AJAP1: variants seen among roughly 807,000 people sequenced by gnomAD.
AJAP1 encodes the protein adherens junctions associated protein 1, also known as adherens junction-associated protein 1.
AJAP1 carries 5 observed loss-of-function variants against 35.0 expected under a neutral mutation model. The ratio of observed to expected loss-of-function variants is 0.14; its 90% CI spans 0.07 to 0.30. The LOEUF (loss-of-function observed/expected upper bound fraction) is 0.30. AJAP1 is among the 10% of genes least tolerant of loss of function. The probability of loss-of-function intolerance (pLI) is 1.00; values close to 1 mark genes in which losing one functional copy is unlikely to be tolerated. For missense variants in AJAP1, 586 were observed against 571.0 expected (o/e 1.03, Z -0.27); for synonymous variants, 284 against 249.3 (o/e 1.14, Z -1.31).
intron 1 of AJAP1, among the ~76,000 whole-genome samples, chr1:4,670,798 A>G (rs746543123): frequency 6.6e-6 from 1 of 152,258 alleles, no homozygotes; most frequent in Non-Finnish European, 1.5e-5. Flanking sequence ...ACAGTTTTCC[A>G]GAGTGTTCCA....
At chr1:4,690,207 C>T (rs12402150) in intron 1 of AJAP1, among the ~76,000 whole-genome samples, 1 of 152,140 alleles carries the variant, frequency 6.6e-6, no homozygotes, top group Non-Finnish European at 1.5e-5. Flanking sequence ...CCATCCAGAC[C>T]CTCCAGGAGG....
At chr1:4,668,140 C>T (rs752329058) in intron 1 of AJAP1, among the ~76,000 whole-genome samples, 16 of 151,678 alleles carry the variant, frequency 1.1e-4, no homozygotes, top group South Asian at 2.1e-4. Flanking sequence ...CTTGAACCTG[C>T]GAGGCAGAGG....
intron 2 of AJAP1, among the ~76,000 whole-genome samples, chr1:4,767,351 T>C (rs915851490): frequency 6.6e-6 from 1 of 151,828 alleles, no homozygotes; most frequent in Non-Finnish European, 1.5e-5. Flanking sequence ...ACCATCATTA[T>C]CACCATCACC....
At chr1:4,736,280 C>A (rs1640921334) in intron 2 of AJAP1, among the ~76,000 whole-genome samples, 1 of 152,226 alleles carries the variant, frequency 6.6e-6, no homozygotes, top group East Asian at 1.9e-4. Context: ...CCACTGCCTA[C>A]CCCAAGAAAG....
chr1:4,732,110 C>T (rs940620927), intron 2 of AJAP1, among the ~76,000 whole-genome samples: 3 of 152,248 alleles, frequency 2.0e-5, no homozygotes, highest in African/African-American at 7.2e-5. Flanking sequence ...CACACATTTC[C>T]TTAGGTCTCT....
In AJAP1 at chr1:4,656,786, C is replaced by T. The variant is rs1290659891; in HGVS notation, c.29+1332C>T. On this transcript the variant is annotated intron_variant, in intron 1 of 5. Transcript: ENST00000378191. This position sits in a 1 kb window ranked among gnomAD's most constrained non-coding sequence, Gnocchi z 5.7. Reference sequence around the variant, plus strand: ...GGGCTTCAAAGGTTAATCATGGAGCCGATTGTGTTGGGTGTGGGATATTGG... The same window carrying T: ...GGGCTTCAAAGGTTAATCATGGAGCTGATTGTGTTGGGTGTGGGATATTGG... Among the ~76,000 whole-genome samples the T allele has an allele frequency of 6.6e-6, 1 of 152,034 alleles. No individual in the cohort carries two copies. The highest frequency in any genetic ancestry group is 1.5e-5 in the Non-Finnish European group (1 of 68,034).
chr1:4,769,669 GC>G (rs1355949582), intron 2 of AJAP1, among the ~76,000 whole-genome samples, 183 bp from the exon 3 acceptor site: 8 of 152,278 alleles, frequency 5.3e-5, no homozygotes, highest in African/African-American at 1.9e-4. Flanking sequence ...GCAGCCTCAT[GC>G]CCGGGGCCTG....
intron 1 of AJAP1, among the ~76,000 whole-genome samples, chr1:4,697,981 TGGC>T (rs1473873255): frequency 6.6e-6 from 1 of 152,168 alleles, no homozygotes; most frequent in Non-Finnish European, 1.5e-5. Flanking sequence ...CGTGGGGTGG[TGGC>T]GGGCAGCCGG....
At chr1:4,696,189 G>T in intron 1 of AJAP1, among the ~76,000 whole-genome samples, 1 of 152,184 alleles carries the variant, frequency 6.6e-6, no homozygotes, top group East Asian at 1.9e-4. Context: ...CCCAGGCAGT[G>T]CTGGCTCCTG....
intron 1 of AJAP1, among the ~76,000 whole-genome samples, chr1:4,710,689 T>C (rs920093592): frequency 2.0e-5 from 3 of 152,252 alleles, no homozygotes; most frequent in Non-Finnish European, 4.4e-5. Context: ...AGTTTTGGGA[T>C]TCATTTTAAC....
intron 2 of AJAP1, among the ~76,000 whole-genome samples, chr1:4,736,512 C>T (rs141899425): frequency 0.017 from 2,627 of 152,344 alleles, 67 homozygotes; most frequent in South Asian, 0.12. Flanking sequence ...TCTCTTCCTT[C>T]CTCAAATGTT....
chr1:4,754,029 A>G (rs1203098809), intron 2 of AJAP1, among the ~76,000 whole-genome samples: 1 of 152,204 alleles, frequency 6.6e-6, no homozygotes, highest in Non-Finnish European at 1.5e-5. Context: ...GACATTGTGC[A>G]TGAAAAGCTA....
intron 2 of AJAP1, among the ~76,000 whole-genome samples, chr1:4,762,481 A>G (rs1430559103): frequency 1.3e-5 from 2 of 152,232 alleles, no homozygotes; most frequent in Non-Finnish European, 2.9e-5. Context: ...AGCCCAGCAC[A>G]AACTCTGGGC....
chr1:4,789,883 G>A lies in AJAP1; in HGVS notation c.*7398G>A, dbSNP rs1642224060. On this transcript the variant is annotated 3_prime_UTR_variant, in exon 6 of 6. Coordinates refer to ENST00000378191, the MANE Select transcript of AJAP1 (RefSeq NM_018836.4). The surrounding 1 kb of genome is among the most constrained non-coding windows in gnomAD (Gnocchi z 4.4). ...TACAGCATAGGGGACACTTTGAGGA[G>A]CCCTAGTATCATTGTTTGAAATCAT... The A allele has an allele frequency of 6.6e-6, 1 of 152,198 alleles. No individual in the cohort carries two copies. Among genetic ancestry groups the A allele is most frequent in the African/African-American group, 2.4e-5 (1 of 41,442 alleles). The allele number at this position is 152,198 out of a possible 1,614,324, so 9.4% of individuals were successfully genotyped here.
At chr1:4,731,650 C>T (rs1640798045) in intron 2 of AJAP1, among the ~76,000 whole-genome samples, 1 of 152,146 alleles carries the variant, frequency 6.6e-6, no homozygotes, top group South Asian at 2.1e-4. Flanking sequence ...TAGCTGGTAA[C>T]ATACAGGGTC....
intron 1 of AJAP1, among the ~76,000 whole-genome samples, chr1:4,667,331 G>A (rs988038382): frequency 1.3e-5 from 2 of 152,138 alleles, no homozygotes; most frequent in Non-Finnish European, 2.9e-5. Flanking sequence ...GTCTCTTGCT[G>A]CTTCTCCACC....
chr1:4,773,718 T>C (rs933934718), intron 4 of AJAP1, among the ~76,000 whole-genome samples: 3 of 152,206 alleles, frequency 2.0e-5, no homozygotes, highest in Non-Finnish European at 4.4e-5. Context: ...TTTCACTGAA[T>C]ATGTGGATGT....
chr1:4,754,309 C>T (rs951557973), intron 2 of AJAP1, among the ~76,000 whole-genome samples: 2 of 152,224 alleles, frequency 1.3e-5, no homozygotes, highest in African/African-American at 4.8e-5. Context: ...TGTGTTGTTA[C>T]TACCAAAGCT....
chr1:4,746,584 A>T (rs1641193505), intron 2 of AJAP1, among the ~76,000 whole-genome samples: 2 of 152,210 alleles, frequency 1.3e-5, no homozygotes, highest in Admixed American at 1.3e-4. Flanking sequence ...ACAACTGTCC[A>T]ACAATTGACC....
Sources: allele counts gnomAD v4.1 joint callset (sites outside exome capture counted in the v4.1 genomes callset), GRCh38; gene constraint gnomAD v4.1.1; non-coding constraint Gnocchi (gnomAD v3.1); transcripts MANE v1.5; gene names NCBI Gene and HGNC (gene_info 2026-07-23, HGNC 2026-07-21).